Variants in EBF2 observed in about 807,000 individuals in gnomAD.
EBF2 encodes the protein EBF transcription factor 2, also known as transcription factor COE2.
A neutral mutation model predicts 72.8 loss-of-function variants in EBF2; 21 were observed. The observed-to-expected ratio is 0.29, with a 90% CI of 0.20 to 0.42. EBF2 has a LOEUF of 0.42. Among genes scored for constraint, EBF2 ranks in the 10% least tolerant of loss-of-function variants. The pLI is 1.00. For missense variants in EBF2, 637 were observed against 731.2 expected, an observed-to-expected ratio of 0.87 and a Z score of 1.49; for synonymous variants, 299 against 274.2, an observed-to-expected ratio of 1.09 and a Z score of -0.89.
intron 7 of EBF2, among the ~76,000 whole-genome samples, chr8:25,890,512 G>A (rs1200404888): frequency 6.6e-6 from 1 of 152,184 alleles, no homozygotes; most frequent in African/African-American, 2.4e-5. Context: ...GTCAGGGAGA[G>A]CTGAATTCAA....
intron 6 of EBF2, among the ~76,000 whole-genome samples, chr8:25,921,232 A>G (rs1290788975): frequency 1.3e-5 from 2 of 152,228 alleles, no homozygotes; most frequent in African/African-American, 4.8e-5. Context: ...GTATTTCAAT[A>G]TTCTGTCATT....
At chr8:25,954,905 AG>A (rs1803919121) in intron 6 of EBF2, among the ~76,000 whole-genome samples, 2 of 152,204 alleles carry the variant, frequency 1.3e-5, no homozygotes, top group African/African-American at 4.8e-5. Flanking sequence ...CGAAGGTAGG[AG>A]CTGTGCCTAA....
chr8:25,872,206 T>C (rs945237101), intron 10 of EBF2, among the ~76,000 whole-genome samples: 17 of 152,176 alleles, frequency 1.1e-4, no homozygotes, highest in African/African-American at 4.1e-4. Context: ...CACTGCAGGC[T>C]GGAGGTCATT....
At chr8:25,980,816 T>C (rs1263623347) in intron 6 of EBF2, among the ~76,000 whole-genome samples, 4 of 128,768 alleles carry the variant, frequency 3.1e-5, no homozygotes, top group Non-Finnish European at 6.5e-5. Flanking sequence ...AAAAAAAAGA[T>C]GCCAAATGCC....
chr8:25,878,150 G>A lies in EBF2; in HGVS notation c.1009+8605C>T, dbSNP rs147818823. ...CCGGCTGGTCCTCCTCTCGGGACCC[G>A]TCCTGCTCACAGCACTCACTCTGCA... On this transcript the variant is annotated intron_variant, in intron 10 of 15. Transcript: ENST00000520164. 4.8e-3 allele frequency among the ~76,000 whole-genome samples: 738 copies of A among 152,254 alleles called. 5 individuals are homozygous for A. Among genetic ancestry groups the A allele is most frequent in the Non-Finnish European group, 7.8e-3 (532 of 68,014 alleles).
chr8:26,035,114 C>A (rs1805476553), intron 5 of EBF2, among the ~76,000 whole-genome samples: 1 of 150,828 alleles, frequency 6.6e-6, no homozygotes, highest in Admixed American at 6.6e-5. Context: ...AGCAGGAACC[C>A]AATGGCCTAG....
At chr8:25,860,758 C>G (rs1004731638) in intron 13 of EBF2, among the ~76,000 whole-genome samples, 4 of 152,154 alleles carry the variant, frequency 2.6e-5, no homozygotes, top group African/African-American at 9.7e-5. Flanking sequence ...CTCAAGCAAT[C>G]TACCTGCCTC....
intron 6 of EBF2, 37 bp downstream of exon 6, chr8:26,033,048 A>G (rs1805435208): frequency 6.3e-7 from 1 of 1,593,682 alleles, no homozygotes; most frequent in Admixed American, 1.7e-5. Context: ...GAAGAAAAGG[A>G]ACCAAAAATG....
At chr8:25,931,450 A>T (rs1012148805) in intron 6 of EBF2, among the ~76,000 whole-genome samples, 5 of 152,204 alleles carry the variant, frequency 3.3e-5, no homozygotes, top group African/African-American at 1.2e-4. Flanking sequence ...CTTAATAAAC[A>T]TGTGTGCTTA....
chr8:26,036,616 C>A (rs954449265), intron 5 of EBF2, among the ~76,000 whole-genome samples: 2 of 151,878 alleles, frequency 1.3e-5, no homozygotes, highest in Non-Finnish European at 1.5e-5. Flanking sequence ...GCATTCAGTC[C>A]TCCTGCCAGC....
rs75859210 is a variant in EBF2, at chr8:25,842,376, A to G, written c.*2233T>C. 2.6e-5 allele frequency: 4 copies of G among 152,304 alleles called. No individual in the cohort carries two copies. The East Asian group carries it at 7.7e-4, about 29-fold the overall frequency. 9.4% of individuals were successfully genotyped at this position (152,304 alleles called of 1,614,324 possible). A position where few individuals can be genotyped will look rare whatever the true frequency, so the allele number is the denominator to read the frequency against. On this transcript the variant is annotated 3_prime_UTR_variant, in exon 16 of 16. Transcript: ENST00000520164. ...GTGTAAAGCTACCAAGAAATTCTAC[A>G]ATCATTTTGAAGACAGTACTGCACT...
At chr8:26,013,891 A>G (rs1034827994) in intron 6 of EBF2, among the ~76,000 whole-genome samples, 5 of 152,184 alleles carry the variant, frequency 3.3e-5, no homozygotes, top group South Asian at 2.1e-4. Flanking sequence ...GGATATTGCT[A>G]TAACACCTTC....
intron 6 of EBF2, among the ~76,000 whole-genome samples, chr8:25,995,303 C>T (rs145099407): frequency 1.1e-4 from 17 of 151,860 alleles, no homozygotes; most frequent in Admixed American, 2.0e-4. Context: ...TGAAACTCTG[C>T]CTCAAAAAAT....
intron 6 of EBF2, among the ~76,000 whole-genome samples, chr8:25,978,155 C>T (rs1804298406): frequency 6.6e-6 from 1 of 152,128 alleles, no homozygotes; most frequent in South Asian, 2.1e-4. Flanking sequence ...GCAGCCCCCT[C>T]CCCATGTGCT....
chr8:26,001,628 C>A (rs1017119439), intron 6 of EBF2, among the ~76,000 whole-genome samples: 4 of 152,074 alleles, frequency 2.6e-5, no homozygotes, highest in African/African-American at 9.7e-5. Context: ...TGGCTCACTG[C>A]AACCTCCACC....
intron 15 of EBF2, among the ~76,000 whole-genome samples, chr8:25,846,763 A>T (rs959014577): frequency 2.6e-5 from 4 of 152,166 alleles, no homozygotes; most frequent in African/African-American, 9.7e-5. Flanking sequence ...GTAACAGCAG[A>T]GGTGCTCAAA....
At chr8:25,887,641 T>G (rs970911453) in intron 9 of EBF2, among the ~76,000 whole-genome samples, 2 of 152,160 alleles carry the variant, frequency 1.3e-5, no homozygotes, top group African/African-American at 2.4e-5. Flanking sequence ...TGGAGTGACA[T>G]TCCATCACTT....
chr8:25,945,650 G>T (rs545972896), intron 6 of EBF2, among the ~76,000 whole-genome samples: 1 of 151,472 alleles, frequency 6.6e-6, no homozygotes, highest in African/African-American at 2.4e-5. Flanking sequence ...ATGAGAGCCT[G>T]TGGAATTTGT....
At chr8:25,977,773 C>G (rs754231085) in intron 6 of EBF2, among the ~76,000 whole-genome samples, 2 of 152,076 alleles carry the variant, frequency 1.3e-5, no homozygotes, top group Non-Finnish European at 2.9e-5. Context: ...TTCTATGACA[C>G]GTGTCAAAGA....
Sources: allele counts gnomAD v4.1 joint callset (sites outside exome capture counted in the v4.1 genomes callset), GRCh38; gene constraint gnomAD v4.1.1; transcripts MANE v1.5; gene names NCBI Gene and HGNC (gene_info 2026-07-23, HGNC 2026-07-21).